FYB1: variants seen among roughly 807,000 people sequenced by gnomAD.
The protein encoded by FYB1 is FYN-binding protein 1.
FYB1 carries 41 observed loss-of-function variants against 94.1 expected under a neutral mutation model. That is an observed-to-expected ratio of 0.44 (90% CI 0.34 to 0.57). The LOEUF (loss-of-function observed/expected upper bound fraction) is 0.57. FYB1 is among the 20% of genes least tolerant of loss of function. The pLI, the probability that FYB1 is intolerant of heterozygous loss-of-function variation, is 0.02. For synonymous variants in FYB1, 367 were observed against 353.2 expected, an observed-to-expected ratio of 1.04 and a Z score of -0.44; for missense variants, 1,050 against 976.8, an observed-to-expected ratio of 1.07 and a Z score of -1.00.
chr5:39,263,478 G>A (rs1242814431), intron 1 of FYB1, among the ~76,000 whole-genome samples: 1 of 152,034 alleles, frequency 6.6e-6, no homozygotes, highest in Admixed American at 6.6e-5. Flanking sequence ...CAACAGGGAA[G>A]TGTGTGGAGT....
chr5:39,152,268 A>T (rs1031716928), intron 3 of FYB1, among the ~76,000 whole-genome samples: 1 of 152,188 alleles, frequency 6.6e-6, no homozygotes, highest in African/African-American at 2.4e-5. Flanking sequence ...TTAAACCCCC[A>T]AGAAAGCATA....
chr5:39,244,200 G>C (rs1003178000), intron 1 of FYB1, among the ~76,000 whole-genome samples: 52 of 152,084 alleles, frequency 3.4e-4, no homozygotes, highest in African/African-American at 1.2e-3. Context: ...TGGTGAGAGA[G>C]GGCATCCCTG....
intron 1 of FYB1, among the ~76,000 whole-genome samples, chr5:39,230,281 A>C (rs748917644): frequency 6.6e-6 from 1 of 152,208 alleles, no homozygotes; most frequent in Non-Finnish European, 1.5e-5. Context: ...AGAGTGATGC[A>C]GCTGAGAAAG....
intron 2 of FYB1, among the ~76,000 whole-genome samples, chr5:39,172,065 A>T (rs987287339): frequency 1.3e-5 from 2 of 152,116 alleles, no homozygotes; most frequent in African/African-American, 4.8e-5. Context: ...TGCATTCTTT[A>T]TATAATATGA....
intron 2 of FYB1, chr5:39,170,227 A>G (rs1745125500): frequency 1.1e-6 from 1 of 903,752 alleles, no homozygotes; most frequent in East Asian, 2.4e-5. Flanking sequence ...GCTATATATG[A>G]TGTTGCTGGT....
At position 39,201,989 on chromosome 5, in the gene FYB1, C is replaced by T. The variant is rs748006262; in HGVS notation, c.972G>A (p.Gly324=). The change falls in exon 2 of 19, where the codon GGG becomes GGA. Residue 324 remains glycine (G), a synonymous_variant. Coordinates refer to ENST00000512982, the MANE Select transcript of FYB1 (RefSeq NM_001465.6). ...CCTTTTCCTGACTTTGGCCCCATGGCCCCCCCACTGTCAGCTTAGAAGGGG... is the reference window on the plus strand; with the variant it reads ...CCTTTTCCTGACTTTGGCCCCATGGTCCCCCCACTGTCAGCTTAGAAGGGG... ...PKAPSKLTVG[G]PWGQSQEKEK... 3.1e-6 allele frequency: 5 copies of T among 1,613,878 alleles called. No homozygotes were observed. Among genetic ancestry groups the T allele is most frequent in the Non-Finnish European group, 2.5e-6 (3 of 1,179,852 alleles).
chr5:39,259,819 A>G (rs934140659), intron 1 of FYB1, among the ~76,000 whole-genome samples: 7 of 152,338 alleles, frequency 4.6e-5, no homozygotes, highest in African/African-American at 1.7e-4. Context: ...TACAAACTTT[A>G]TCATTAAAAC....
At chr5:39,129,312 G>T (rs925674006) in intron 10 of FYB1, among the ~76,000 whole-genome samples, 2 of 151,808 alleles carry the variant, frequency 1.3e-5, no homozygotes, top group African/African-American at 4.8e-5. Context: ...ATCAACTCAA[G>T]ATAGATTAAG....
Position 39,124,915 on chromosome 5 carries a change from CCACACACA to C in FYB1, c.2046-645_2046-638del, listed in dbSNP as rs56887056. 4.7e-4 allele frequency among the ~76,000 whole-genome samples: 65 copies of C among 139,554 alleles called. No individual in the cohort carries two copies. The South Asian group carries it at 4.7e-3, about 10-fold the overall frequency. 91.6% of individuals were successfully genotyped at this position (139,554 alleles called of 152,430 possible). On this transcript the variant is annotated intron_variant, in intron 12 of 18. Transcript: ENST00000512982. Reference sequence around the variant, plus strand: ...CTGAAATATGACTTCTAAATACACTCCACACACACACACACACACACACACACACACAC... The same window carrying C: ...CTGAAATATGACTTCTAAATACACTCCACACACACACACACACACACACAC...
Position 39,219,555 on chromosome 5 carries a change from A to C in FYB1, c.-140T>G. Reference sequence around the variant, plus strand: ...CGCATCTGCTCTGCATGTGGAACTCAAGAACTGCGGAGCTTTCTGATGCCT... The same window carrying C: ...CGCATCTGCTCTGCATGTGGAACTCCAGAACTGCGGAGCTTTCTGATGCCT... On this transcript the variant is annotated 5_prime_UTR_variant, in exon 1 of 19. Coordinates refer to ENST00000512982, the MANE Select transcript of FYB1 (RefSeq NM_001465.6). The C allele has an allele frequency of 1.0e-6, 1 of 985,430 alleles. No individual in the cohort carries two copies. Among genetic ancestry groups the C allele is most frequent in the Non-Finnish European group, 1.2e-6 (1 of 829,954 alleles). 61.0% of individuals were successfully genotyped at this position (985,430 alleles called of 1,614,324 possible).
At chr5:39,210,037 C>T (rs909311783) in intron 1 of FYB1, among the ~76,000 whole-genome samples, 1 of 152,218 alleles carries the variant, frequency 6.6e-6, no homozygotes, top group Non-Finnish European at 1.5e-5. Context: ...TGACTCTCGC[C>T]GCAAATTAAG....
At chr5:39,112,207 A>G (rs111616101) in intron 16 of FYB1, among the ~76,000 whole-genome samples, 10 of 152,110 alleles carry the variant, frequency 6.6e-5, no homozygotes, top group African/African-American at 2.4e-4. Context: ...CTAAAATTTG[A>G]ACAGTTTTCT....
intron 1 of FYB1, among the ~76,000 whole-genome samples, chr5:39,252,179 TAAAG>T (rs1751743153): frequency 1.3e-5 from 2 of 151,494 alleles, no homozygotes; most frequent in African/African-American, 4.8e-5. Flanking sequence ...AATAAAAAAA[TAAAG>T]AAATAAAATA....
At chr5:39,162,553 C>T (rs1429408513) in intron 2 of FYB1, among the ~76,000 whole-genome samples, 3 of 151,922 alleles carry the variant, frequency 2.0e-5, no homozygotes, top group Non-Finnish European at 4.4e-5. Context: ...GGCGTGGTGG[C>T]GCTTGTCTGT....
At chr5:39,195,556 G>T (rs1247081851) in intron 2 of FYB1, among the ~76,000 whole-genome samples, 9 of 152,160 alleles carry the variant, frequency 5.9e-5, no homozygotes, top group Non-Finnish European at 1.2e-4. Flanking sequence ...TGAGGAGGGG[G>T]CCATCAGTCT....
chr5:39,127,092 A>C (rs1209180211), intron 11 of FYB1, among the ~76,000 whole-genome samples: 2 of 149,480 alleles, frequency 1.3e-5, no homozygotes, highest in African/African-American at 4.9e-5. Context: ...AAGAAATCTT[A>C]AACTTTTAAA....
At chr5:39,256,219 A>G (rs536545298) in intron 1 of FYB1, among the ~76,000 whole-genome samples, 129 of 152,306 alleles carry the variant, frequency 8.5e-4, no homozygotes, top group African/African-American at 3.0e-3. Flanking sequence ...CTATAGATTG[A>G]CTACCTGTCT....
chr5:39,207,315 T>G (rs7705606), intron 1 of FYB1, among the ~76,000 whole-genome samples: 2,782 of 152,236 alleles, frequency 0.018, 76 homozygotes, highest in African/African-American at 0.06. Flanking sequence ...TAGTAGAAAA[T>G]CTCTTCATAG....
chr5:39,139,996 TC>T (rs1742020042), intron 4 of FYB1: 1 of 152,236 alleles, frequency 6.6e-6, no homozygotes, highest in South Asian at 2.1e-4. Flanking sequence ...TTCTACTAAC[TC>T]CTCAAAGGGG....
Sources: gnomAD v4.1 joint callset for allele counts (sites outside exome capture counted in the v4.1 genomes callset) on GRCh38, gnomAD v4.1.1 for gene constraint, MANE v1.5 for transcripts, NCBI Gene and HGNC (gene_info 2026-07-23, HGNC 2026-07-21) for gene names.